The following NMNAT1 variants were observed in gnomAD, a reference collection of about 807,000 sequenced individuals.
NMNAT1 encodes nicotinamide nucleotide adenylyltransferase 1.
NMNAT1 carries 11 observed loss-of-function variants against 16.7 expected under a neutral mutation model. The observed-to-expected ratio is 0.66, with a 90% CI of 0.41 to 1.09. NMNAT1 has a LOEUF of 1.09. Ranked by LOEUF, NMNAT1 falls within the 50% of genes least tolerant of loss-of-function variation. NMNAT1 has a pLI of 0.00. For missense variants in NMNAT1, 280 were observed against 332.3 expected, an observed-to-expected ratio of 0.84 and a Z score of 1.22; for synonymous variants, 110 against 119.8, an observed-to-expected ratio of 0.92 and a Z score of 0.53.
intron 1 of NMNAT1, chr1:9,955,704 G>T (rs9645361): frequency 2.0e-5 from 3 of 152,072 alleles, no homozygotes; most frequent in African/African-American, 7.2e-5. Context: ...TTTAATTTTA[G>T]TCTATGAGTT....
At chr1:9,958,579 A>G (rs756519564) in intron 1 of NMNAT1, among the ~76,000 whole-genome samples, 3 of 151,786 alleles carry the variant, frequency 2.0e-5, no homozygotes, top group Admixed American at 6.6e-5. Flanking sequence ...ATCTGGGACT[A>G]CAGAAGCACA....
intron 1 of NMNAT1, among the ~76,000 whole-genome samples, chr1:9,967,706 A>C (rs960695005): frequency 6.6e-6 from 1 of 152,112 alleles, no homozygotes; most frequent in African/African-American, 2.4e-5. Context: ...AGTGGCTCAT[A>C]CCTGTAAGCC....
chr1:9,956,126 A>T (rs1185777895), intron 1 of NMNAT1, among the ~76,000 whole-genome samples: 1 of 151,564 alleles, frequency 6.6e-6, no homozygotes, highest in Non-Finnish European at 1.5e-5. Context: ...AAGAGTTATT[A>T]GTGTCATCAC....
chr1:9,945,497 G>C (rs1273713673), intron 1 of NMNAT1, among the ~76,000 whole-genome samples: 1 of 152,108 alleles, frequency 6.6e-6, no homozygotes, highest in Admixed American at 6.6e-5. Context: ...TCAGGAGTTT[G>C]AGACCAGCCT....
chr1:9,968,852 AT>A (rs1381861272), intron 1 of NMNAT1, among the ~76,000 whole-genome samples: 1 of 144,518 alleles, frequency 6.9e-6, no homozygotes, highest in African/African-American at 2.5e-5. Context: ...AGCAGGGAGG[AT>A]TGCTTGAACC....
intron 1 of NMNAT1, among the ~76,000 whole-genome samples, chr1:9,969,915 C>G (rs1238617850): frequency 6.6e-6 from 1 of 152,120 alleles, no homozygotes; most frequent in African/African-American, 2.4e-5. Context: ...AGAAACAAAG[C>G]TGCACTAGAG....
At chr1:9,963,480 G>T (rs1641471998) in intron 1 of NMNAT1, among the ~76,000 whole-genome samples, 1 of 151,784 alleles carries the variant, frequency 6.6e-6, no homozygotes, top group Non-Finnish European at 1.5e-5. Flanking sequence ...CACAATCTAG[G>T]CTCACTGCAA....
At chr1:9,951,317 G>T (rs1641105045) in intron 1 of NMNAT1, 1 of 152,100 alleles carries the variant, frequency 6.6e-6, no homozygotes, top group South Asian at 2.1e-4. Flanking sequence ...AGAGAGAAAA[G>T]GTGCTATGAG....
rs549582450 is a variant in NMNAT1 at position 9,978,947 on chromosome 1, C to T, written c.300-2084C>T. ...TTCTTTGTCACAAGATTAAGCCACA[C>T]TCTTCCATGGTCAAGAGTGTGGGCT... On this transcript the variant is annotated intron_variant, in intron 3 of 4. Transcript: ENST00000377205. 9.8e-5 allele frequency among the ~76,000 whole-genome samples: 15 copies of T among 152,330 alleles called. No homozygotes were observed. The South Asian group carries it at 3.1e-3, about 32-fold the overall frequency.
intron 1 of NMNAT1, among the ~76,000 whole-genome samples, chr1:9,970,739 T>TGTTA (rs1447482902): frequency 6.6e-6 from 1 of 151,916 alleles, no homozygotes; most frequent in Non-Finnish European, 1.5e-5. Flanking sequence ...GGATGCCTTA[T>TGTTA]GTTACTTCAT....
At chr1:9,948,124 C>G (rs1641020088) in intron 1 of NMNAT1, among the ~76,000 whole-genome samples, 1 of 152,048 alleles carries the variant, frequency 6.6e-6, no homozygotes, top group Non-Finnish European at 1.5e-5. Flanking sequence ...TTGGTGGCGT[C>G]AAGGGATAGT....
rs893687698 is a variant in NMNAT1, at chr1:9,983,810, G to A, written c.*1109G>A. On this transcript the variant is annotated 3_prime_UTR_variant, in exon 5 of 5. Coordinates refer to ENST00000377205, the MANE Select transcript of NMNAT1 (RefSeq NM_022787.4). ...GAAGGAGTCCTGAAAAGTAATGATA[G>A]AGCAAGATGAAGCTATCAGAACTGA... 3.9e-5 allele frequency: 6 copies of A among 152,128 alleles called. No individual in the cohort carries two copies. Among genetic ancestry groups the A allele is most frequent in the African/African-American group, 1.4e-4 (6 of 41,430 alleles). 9.4% of individuals were successfully genotyped at this position (152,128 alleles called of 1,614,324 possible). A position where few individuals can be genotyped will look rare whatever the true frequency, so the allele number is the denominator to read the frequency against.
At chr1:9,976,062 G>A (rs1021126705) in intron 3 of NMNAT1, among the ~76,000 whole-genome samples, 1 of 152,102 alleles carries the variant, frequency 6.6e-6, no homozygotes, top group African/African-American at 2.4e-5. Context: ...TGAGGCGGGT[G>A]GATCAGCTGA....
chr1:9,989,588 C>T (rs1472404156), downstream of NMNAT1, among the ~76,000 whole-genome samples: 1 of 152,124 alleles, frequency 6.6e-6, no homozygotes, highest in African/African-American at 2.4e-5. Flanking sequence ...AAGAGGAGTC[C>T]AGCCAGGGAC....
intron 3 of NMNAT1, 82 bp downstream of exon 3, chr1:9,975,857 AC>A: frequency 8.9e-7 from 1 of 1,118,174 alleles, no homozygotes; most frequent in Non-Finnish European, 1.3e-6. Context: ...AATGTTGCTT[AC>A]ATCTGTGAAC....
intron 1 of NMNAT1, among the ~76,000 whole-genome samples, chr1:9,963,779 T>C (rs1482040728): frequency 6.6e-6 from 1 of 152,144 alleles, no homozygotes. Flanking sequence ...AGGTCGAAGA[T>C]TAACTGGAAA....
At chr1:9,970,728 T>G (rs1198754125) in intron 1 of NMNAT1, among the ~76,000 whole-genome samples, 1 of 151,946 alleles carries the variant, frequency 6.6e-6, no homozygotes, top group Non-Finnish European at 1.5e-5. Context: ...AACCTAAAAT[T>G]GGATGCCTTA....
chr1:9,961,019 G>T (rs1005197107), intron 1 of NMNAT1, among the ~76,000 whole-genome samples: 1 of 152,216 alleles, frequency 6.6e-6, no homozygotes, highest in African/African-American at 2.4e-5. Flanking sequence ...TAACTCTTGT[G>T]TGGCTCTGAA....
chr1:9,948,603 C>T (rs563843376), intron 1 of NMNAT1, among the ~76,000 whole-genome samples: 1 of 151,890 alleles, frequency 6.6e-6, no homozygotes, highest in South Asian at 2.1e-4. Flanking sequence ...TCCTTAATGA[C>T]ATTGGGACCA....
Sources: allele counts gnomAD v4.1 joint callset (sites outside exome capture counted in the v4.1 genomes callset), GRCh38; gene constraint gnomAD v4.1.1; transcripts MANE v1.5; gene names NCBI Gene and HGNC (gene_info 2026-07-23, HGNC 2026-07-21).